The following PLPPR1 variants were observed in gnomAD, a reference collection of about 807,000 sequenced individuals.
PLPPR1 encodes the protein phospholipid phosphatase related 1, also known as phospholipid phosphatase-related protein type 1.
In PLPPR1, 10 loss-of-function variants were observed where a neutral mutation model predicts 33.1. That is an observed-to-expected ratio of 0.30 (90% CI 0.19 to 0.51). The LOEUF (loss-of-function observed/expected upper bound fraction) is 0.51. Ranked by LOEUF, PLPPR1 falls within the 20% of genes least tolerant of loss-of-function variation. PLPPR1 has a pLI of 0.97. For missense variants in PLPPR1, 304 were observed against 408.1 expected (o/e 0.74, Z 2.20); for synonymous variants, 151 against 151.0 (o/e 1.00, Z 0.00).
intron 2 of PLPPR1, among the ~76,000 whole-genome samples, chr9:101,192,536 G>GA (rs963150972): frequency 2.0e-5 from 3 of 151,470 alleles, no homozygotes; most frequent in African/African-American, 7.3e-5. Context: ...TTCAAGGGGG[G>GA]AAAAAAAACG....
chr9:101,066,558 G>C (rs1830417296), intron 1 of PLPPR1, among the ~76,000 whole-genome samples: 1 of 151,988 alleles, frequency 6.6e-6, no homozygotes, highest in South Asian at 2.1e-4. Flanking sequence ...ATTTATGTCA[G>C]TATGGACTCA....
intron 1 of PLPPR1, among the ~76,000 whole-genome samples, chr9:101,057,787 T>C (rs529337641): frequency 6.6e-6 from 1 of 152,314 alleles, no homozygotes; most frequent in South Asian, 2.1e-4. Context: ...CACTAGGTTA[T>C]ATTCTTTTCT....
chr9:101,136,549 T>G (rs529827638), intron 1 of PLPPR1, among the ~76,000 whole-genome samples: 1 of 152,368 alleles, frequency 6.6e-6, no homozygotes, highest in East Asian at 1.9e-4. Context: ...TTGTTACTAT[T>G]GAATCTTTTA....
At chr9:101,316,580 T>C (rs540501729) in intron 6 of PLPPR1, among the ~76,000 whole-genome samples, 41 of 137,034 alleles carry the variant, frequency 3.0e-4, no homozygotes, top group African/African-American at 1.2e-3. Context: ...AAAGAAAGTA[T>C]GGAAAGAGGC....
chr9:101,175,750 C>G (rs1353039304), intron 1 of PLPPR1, among the ~76,000 whole-genome samples: 1 of 151,978 alleles, frequency 6.6e-6, no homozygotes, highest in African/African-American at 2.4e-5. Flanking sequence ...CCAAGAAACT[C>G]AAATTCATGA....
chr9:101,036,245 G>A (rs1181309646), intron 1 of PLPPR1, among the ~76,000 whole-genome samples: 2 of 152,110 alleles, frequency 1.3e-5, no homozygotes, highest in Non-Finnish European at 2.9e-5. Context: ...AAAAATGCAG[G>A]AACAGTGTAT....
chr9:101,093,592 A>G (rs940134415), intron 1 of PLPPR1, among the ~76,000 whole-genome samples: 11 of 152,162 alleles, frequency 7.2e-5, no homozygotes, highest in Non-Finnish European at 1.6e-4. Context: ...CCATGGACCA[A>G]TTTTGCATTC....
chr9:101,269,972 C>T lies in PLPPR1; in HGVS notation c.156C>T (p.Asp52=), dbSNP rs117491062. 2.7e-3 allele frequency: 4,438 copies of T among 1,614,164 alleles called. 9 individuals are homozygous for T. Among genetic ancestry groups the T allele is most frequent in the Non-Finnish European group, 3.2e-3 (3,718 of 1,180,016 alleles). The change falls in exon 3 of 8, where the codon GAC becomes GAT. Residue 52 remains aspartate (D), a synonymous_variant. Transcript: ENST00000374874. Reference sequence around the variant, plus strand: ...ATATCCAAGGATTCTTCTGTCAGGACGGAGACTTAATGAAGCCTTACCCAG... The same window carrying T: ...ATATCCAAGGATTCTTCTGTCAGGATGGAGACTTAATGAAGCCTTACCCAG... ...QVHIQGFFCQ[D]GDLMKPYPGT...
chr9:101,254,893 G>A (rs147808329), intron 2 of PLPPR1, among the ~76,000 whole-genome samples: 172 of 152,100 alleles, frequency 1.1e-3, no homozygotes, highest in African/African-American at 4.0e-3. Context: ...GTATACCAAC[G>A]AGTGTGACTA....
chr9:101,237,836 T>TATGTATATAG (rs370193024), intron 2 of PLPPR1, among the ~76,000 whole-genome samples: 1,738 of 129,836 alleles, frequency 0.013, 26 homozygotes, highest in East Asian at 0.043. Context: ...TATATATATA[T>TATGTATATAG]GCTATATATG....
In PLPPR1 at chr9:101,116,003, A is replaced by T. The variant is rs2118584966; in HGVS notation, c.-45-69447A>T. 2.0e-5 allele frequency among the ~76,000 whole-genome samples: 3 copies of T among 152,288 alleles called. No homozygotes were observed. The South Asian group carries it at 6.2e-4, about 32-fold the overall frequency. On this transcript the variant is annotated intron_variant, in intron 1 of 7. Coordinates refer to ENST00000374874, the MANE Select transcript of PLPPR1 (RefSeq NM_207299.2). ...TTCCAGTTTTTCAGAGAATGAGAAG[A>T]ACATTCTGTAGAAGCACAAAACTTT...
intron 2 of PLPPR1, among the ~76,000 whole-genome samples, chr9:101,236,416 A>T (rs1287271825): frequency 6.6e-6 from 1 of 151,676 alleles, no homozygotes; most frequent in Admixed American, 6.6e-5. Flanking sequence ...TAGGAAAAGT[A>T]ATAACTATCA....
chr9:101,094,582 C>T (rs760021251), intron 1 of PLPPR1, among the ~76,000 whole-genome samples: 1 of 152,126 alleles, frequency 6.6e-6, no homozygotes, highest in Non-Finnish European at 1.5e-5. Flanking sequence ...TCCCTCAAAA[C>T]TAAAACATGC....
At chr9:101,062,947 C>G (rs1156993322) in intron 1 of PLPPR1, among the ~76,000 whole-genome samples, 2 of 151,906 alleles carry the variant, frequency 1.3e-5, no homozygotes, top group Non-Finnish European at 2.9e-5. Context: ...GCTCAAAGTT[C>G]AGTTTTGGGA....
chr9:101,206,018 G>T (rs1826583085), intron 2 of PLPPR1, among the ~76,000 whole-genome samples: 1 of 152,140 alleles, frequency 6.6e-6, no homozygotes, highest in East Asian at 1.9e-4. Context: ...CATGAGGGTG[G>T]GGAGAGTGTG....
chr9:101,084,328 A>G (rs1830652917), intron 1 of PLPPR1, among the ~76,000 whole-genome samples: 1 of 152,228 alleles, frequency 6.6e-6, no homozygotes, highest in Non-Finnish European at 1.5e-5. Flanking sequence ...ACTCTTATGC[A>G]TCACCAGATG....
intron 1 of PLPPR1, among the ~76,000 whole-genome samples, chr9:101,036,686 C>A (rs1332180913): frequency 3.5e-5 from 4 of 112,778 alleles, no homozygotes; most frequent in Admixed American, 3.3e-4. Flanking sequence ...AATGACAAAG[C>A]TTGGCTATTT....
chr9:101,182,250 G>A (rs1826127830), intron 1 of PLPPR1, among the ~76,000 whole-genome samples: 1 of 151,590 alleles, frequency 6.6e-6, no homozygotes. Flanking sequence ...GAGGGGGATG[G>A]ATGGAGAAAG....
chr9:101,075,976 C>G (rs1341867541), intron 1 of PLPPR1, among the ~76,000 whole-genome samples: 1 of 151,994 alleles, frequency 6.6e-6, no homozygotes, highest in East Asian at 1.9e-4. Context: ...TGTTGAGGGT[C>G]AGAAAGAAGG....
Sources: gnomAD v4.1 joint callset for allele counts (sites outside exome capture counted in the v4.1 genomes callset) on GRCh38, gnomAD v4.1.1 for gene constraint, MANE v1.5 for transcripts, NCBI Gene and HGNC (gene_info 2026-07-23, HGNC 2026-07-21) for gene names.